Variants in CSMD1 observed in about 807,000 individuals in gnomAD.
The protein encoded by CSMD1 is CUB and Sushi multiple domains 1, also known as CUB and sushi domain-containing protein 1.
Under a neutral mutation model 417.5 loss-of-function variants are expected in CSMD1, and 213 were observed. That is an observed-to-expected ratio of 0.51 (90% CI 0.46 to 0.57). The LOEUF is 0.57. Among genes scored for constraint, CSMD1 ranks in the 20% least tolerant of loss-of-function variants. The pLI is 0.00. For synonymous variants in CSMD1, 2,862 were observed against 1,736.8 expected (o/e 1.65, Z -16.11); for missense variants, 6,923 against 4,529.7 (o/e 1.53, Z -15.17).
intron 54 of CSMD1, 149 bp downstream of exon 54, chr8:2,997,862 C>G (rs1436844055): frequency 5.6e-6 from 4 of 712,424 alleles, no homozygotes; most frequent in Non-Finnish European, 8.6e-6. Flanking sequence ...TGTGCTTACT[C>G]TCAGAAATGC....
At chr8:4,241,742 C>T (rs1258785691) in intron 3 of CSMD1, among the ~76,000 whole-genome samples, 2 of 147,628 alleles carry the variant, frequency 1.4e-5, no homozygotes, top group South Asian at 2.1e-4. Flanking sequence ...CTCGCTCTGT[C>T]GCCCAGGCTG....
chr8:4,150,752 C>T (rs574027050), intron 3 of CSMD1, among the ~76,000 whole-genome samples: 1 of 152,244 alleles, frequency 6.6e-6, no homozygotes, highest in South Asian at 2.1e-4. Flanking sequence ...TTTCAAAAAC[C>T]AACCTGCTTT....
intron 12 of CSMD1, among the ~76,000 whole-genome samples, chr8:3,426,188 T>C (rs775245612): frequency 6.6e-6 from 1 of 152,226 alleles, no homozygotes; most frequent in Non-Finnish European, 1.5e-5. Context: ...AAGCAGAGCA[T>C]GTGAGGAGCT....
intron 10 of CSMD1, among the ~76,000 whole-genome samples, chr8:3,523,608 TACAC>T (rs373137163): frequency 1.3e-5 from 2 of 150,556 alleles, no homozygotes; most frequent in Admixed American, 6.6e-5. Context: ...CATGTGCATG[TACAC>T]ACACACATGC....
At chr8:3,448,395 A>G (rs59216024) in intron 12 of CSMD1, among the ~76,000 whole-genome samples, 13 of 8,418 alleles carry the variant, frequency 1.5e-3, no homozygotes, top group Non-Finnish European at 1.6e-3. Flanking sequence ...AGGGAGGAGG[A>G]AGGGAAGGAA....
chr8:3,347,497 C>T (rs1808092897), intron 22 of CSMD1, among the ~76,000 whole-genome samples: 1 of 152,218 alleles, frequency 6.6e-6, no homozygotes. Context: ...GGATTTACCT[C>T]CATTATCACT....
chr8:4,518,707 T>C (rs987704712), intron 2 of CSMD1, among the ~76,000 whole-genome samples: 2 of 151,988 alleles, frequency 1.3e-5, no homozygotes, highest in African/African-American at 2.4e-5. Flanking sequence ...GTGGCACATG[T>C]ATACATATGT....
chr8:4,710,017 A>G (rs1808189155), intron 1 of CSMD1, among the ~76,000 whole-genome samples: 1 of 152,186 alleles, frequency 6.6e-6, no homozygotes, highest in African/African-American at 2.4e-5. Context: ...ATATCACTTG[A>G]TAGTTCAAAT....
At chr8:4,623,370 T>A (rs1026893474) in intron 2 of CSMD1, among the ~76,000 whole-genome samples, 10 of 152,136 alleles carry the variant, frequency 6.6e-5, no homozygotes, top group African/African-American at 2.2e-4. Context: ...CAACTAAAAT[T>A]CATCCCTCAG....
chr8:3,044,462 T>C (rs556148957), intron 50 of CSMD1, among the ~76,000 whole-genome samples: 4 of 152,272 alleles, frequency 2.6e-5, no homozygotes, highest in Non-Finnish European at 5.9e-5. Flanking sequence ...AAGGCTAGCT[T>C]AATGGTTTTG....
chr8:4,517,394 C>T lies in CSMD1; in HGVS notation c.303-97329G>A, dbSNP rs534419003. ...GTTAAACAGCTAATCTCCCAGACCA[C>T]TGGCTTCCTCGCCTATAACACGCAG... is the stretch of plus-strand genomic sequence containing the variant. On this transcript the variant is annotated intron_variant, in intron 2 of 69. Coordinates refer to ENST00000635120, the MANE Select transcript of CSMD1 (RefSeq NM_033225.6). Among the ~76,000 whole-genome samples, 8 of 152,322 alleles carry T rather than the reference C, an allele frequency of 5.3e-5. No individual in the cohort carries two copies. The South Asian group carries it at 1.7e-3, about 32-fold the overall frequency.
intron 4 of CSMD1, among the ~76,000 whole-genome samples, chr8:4,027,858 A>T (rs1585160509): frequency 6.6e-6 from 1 of 152,198 alleles, no homozygotes; most frequent in African/African-American, 2.4e-5. Context: ...ATTAAAAATT[A>T]AATAAATAAA....
At chr8:3,445,575 G>T (rs1815249631) in intron 12 of CSMD1, among the ~76,000 whole-genome samples, 1 of 152,102 alleles carries the variant, frequency 6.6e-6, no homozygotes, top group Admixed American at 6.6e-5. Flanking sequence ...AAGTGCGGAT[G>T]ATGAATCAGT....
At chr8:3,599,789 C>G (rs998124334) in intron 8 of CSMD1, among the ~76,000 whole-genome samples, 2 of 152,208 alleles carry the variant, frequency 1.3e-5, no homozygotes, top group African/African-American at 2.4e-5. Flanking sequence ...ATGGGCAACT[C>G]CCACTTCTTT....
At chr8:4,118,298 T>C (rs73658585) in intron 3 of CSMD1, among the ~76,000 whole-genome samples, 201 of 152,200 alleles carry the variant, frequency 1.3e-3, no homozygotes, top group African/African-American at 4.5e-3. Flanking sequence ...AAGTTCGACC[T>C]GTATGGATGT....
At chr8:4,576,310 A>C (rs1320258375) in intron 2 of CSMD1, among the ~76,000 whole-genome samples, 1 of 152,146 alleles carries the variant, frequency 6.6e-6, no homozygotes, top group East Asian at 1.9e-4. Context: ...TTCTCCTCTC[A>C]TTCTTTTCTT....
intron 1 of CSMD1, among the ~76,000 whole-genome samples, chr8:4,800,694 G>C (rs1254782516): frequency 6.6e-6 from 1 of 152,178 alleles, no homozygotes; most frequent in Non-Finnish European, 1.5e-5. Context: ...GTTGGGCTAA[G>C]TTCTGCAGCA....
intron 1 of CSMD1, among the ~76,000 whole-genome samples, chr8:4,798,013 TTTTTA>T (rs1245024142): frequency 3.3e-5 from 5 of 152,206 alleles, no homozygotes; most frequent in Admixed American, 2.0e-4. Flanking sequence ...TCTCGAAGCA[TTTTTA>T]TTTTTTTATT....
chr8:3,426,639 C>T (rs1241361355), intron 12 of CSMD1, among the ~76,000 whole-genome samples: 3 of 152,114 alleles, frequency 2.0e-5, no homozygotes, highest in African/African-American at 7.2e-5. Flanking sequence ...AGGTGAGATG[C>T]CATAATTAAC....
Sources: allele counts gnomAD v4.1 joint callset (sites outside exome capture counted in the v4.1 genomes callset), GRCh38; gene constraint gnomAD v4.1.1; transcripts MANE v1.5; gene names NCBI Gene and HGNC (gene_info 2026-07-23, HGNC 2026-07-21).